Variants in NALCN observed in about 807,000 individuals in gnomAD.
NALCN encodes the protein sodium leak channel NALCN.
NALCN carries 111 observed loss-of-function variants against 225.3 expected under a neutral mutation model. The ratio of observed to expected loss-of-function variants is 0.49; its 90% CI spans 0.42 to 0.58. The LOEUF is 0.58. Among genes scored for constraint, NALCN ranks in the 20% least tolerant of loss-of-function variants. NALCN has a pLI of 0.00. For synonymous variants in NALCN, 764 were observed against 769.0 expected, an observed-to-expected ratio of 0.99 and a Z score of 0.11; for missense variants, 1,378 against 2,202.4, an observed-to-expected ratio of 0.63 and a Z score of 7.49.
intron 10 of NALCN, among the ~76,000 whole-genome samples, chr13:101,271,577 G>A (rs1048932803): frequency 6.6e-6 from 1 of 151,832 alleles, no homozygotes; most frequent in Non-Finnish European, 1.5e-5. Context: ...ATTCCCCTGA[G>A]AAATTGAAAA....
intron 7 of NALCN, among the ~76,000 whole-genome samples, chr13:101,300,196 C>T (rs761743245): frequency 2.0e-4 from 30 of 151,992 alleles, no homozygotes; most frequent in Non-Finnish European, 3.8e-4. Context: ...ATTTACTAAA[C>T]GATAAAGCAG....
At chr13:101,340,987 T>G (rs2045540865) in intron 7 of NALCN, among the ~76,000 whole-genome samples, 1 of 152,182 alleles carries the variant, frequency 6.6e-6, no homozygotes, top group African/African-American at 2.4e-5. Context: ...ATGACAAGTA[T>G]GCACATATCT....
intron 39 of NALCN, among the ~76,000 whole-genome samples, chr13:101,066,162 C>A (rs1028083723): frequency 2.0e-5 from 3 of 151,860 alleles, no homozygotes; most frequent in Non-Finnish European, 4.4e-5. Flanking sequence ...CCAGTCTCTA[C>A]TAAAAATAAA....
rs115274113 is a variant in NALCN at position 101,138,363 on chromosome 13, A to G, written c.2118+4717T>C. Among the ~76,000 whole-genome samples, 1,324 of 152,378 alleles carry G rather than the reference A, an allele frequency of 8.7e-3. 26 individuals carry two copies. The highest frequency in any genetic ancestry group is 0.03 in the African/African-American group (1,249 of 41,590). Reference sequence around the variant, plus strand: ...ATGATCATTTTCCTCTTTACTGTACATAAGTTAGCTGTTCATTGTGAAGGC... The same window carrying G: ...ATGATCATTTTCCTCTTTACTGTACGTAAGTTAGCTGTTCATTGTGAAGGC... On this transcript the variant is annotated intron_variant, in intron 17 of 43. Transcript: ENST00000251127.
chr13:101,305,882 T>C (rs1285761785), intron 7 of NALCN, among the ~76,000 whole-genome samples: 2 of 152,222 alleles, frequency 1.3e-5, no homozygotes, highest in African/African-American at 2.4e-5. Context: ...GAAACACAGG[T>C]ATGTTAATCT....
Position 101,176,283 on chromosome 13 carries a change from C to A in NALCN, c.1839+17G>T. The A allele has an allele frequency of 6.7e-7, 1 of 1,493,314 alleles. No individual in the cohort carries two copies. Among genetic ancestry groups the A allele is most frequent in the Non-Finnish European group, 8.9e-7 (1 of 1,126,758 alleles). 92.5% of individuals were successfully genotyped at this position (1,493,314 alleles called of 1,614,324 possible). A position where few individuals can be genotyped will look rare whatever the true frequency, so the allele number is the denominator to read the frequency against. ...TTTTTTGTCCTTTTTAAAAAAAATCCCCCACACACTACTTACTTGTTTAAG... is the reference window on the plus strand; with the variant it reads ...TTTTTTGTCCTTTTTAAAAAAAATCACCCACACACTACTTACTTGTTTAAG... On this transcript the variant is annotated intron_variant, in intron 15 of 43. Coordinates refer to ENST00000251127, the MANE Select transcript of NALCN (RefSeq NM_052867.4).
intron 10 of NALCN, among the ~76,000 whole-genome samples, chr13:101,261,458 C>A (rs1254718187): frequency 6.6e-6 from 1 of 152,126 alleles, no homozygotes; most frequent in Non-Finnish European, 1.5e-5. Context: ...AACATTTTAA[C>A]AATATTGATT....
intron 15 of NALCN, among the ~76,000 whole-genome samples, chr13:101,152,068 A>T (rs139121688): frequency 0.013 from 1,918 of 152,306 alleles, 15 homozygotes; most frequent in Non-Finnish European, 0.016. Flanking sequence ...TTACAAAAAT[A>T]TTTAATACAC....
intron 13 of NALCN, 98 bp downstream of exon 13, chr13:101,229,295 A>T (rs1448656192): frequency 9.8e-6 from 11 of 1,123,798 alleles, no homozygotes; most frequent in Non-Finnish European, 1.4e-5. Context: ...AAATAGGATA[A>T]TACTTCTGAA....
chr13:101,307,040 C>T (rs923579486), intron 7 of NALCN, among the ~76,000 whole-genome samples: 2 of 152,302 alleles, frequency 1.3e-5, no homozygotes, highest in East Asian at 1.9e-4. Flanking sequence ...GATTATTAAC[C>T]ACAACCAATA....
At chr13:101,102,245 TG>T (rs1453281095) in intron 26 of NALCN, among the ~76,000 whole-genome samples, 1 of 151,806 alleles carries the variant, frequency 6.6e-6, no homozygotes, top group African/African-American at 2.4e-5. Flanking sequence ...ATTGCGCCAT[TG>T]CACTCCAGCC....
chr13:101,235,612 C>T (rs892388445), intron 12 of NALCN, among the ~76,000 whole-genome samples: 2 of 152,172 alleles, frequency 1.3e-5, no homozygotes, highest in Non-Finnish European at 2.9e-5. Flanking sequence ...ATGTATATCT[C>T]TTGCCCCAGC....
intron 25 of NALCN, among the ~76,000 whole-genome samples, chr13:101,103,948 TTA>T (rs1418297856): frequency 3.3e-5 from 5 of 152,170 alleles, no homozygotes; most frequent in African/African-American, 1.2e-4. Context: ...ATAACATGGT[TTA>T]TATGAGGCAA....
intron 13 of NALCN, among the ~76,000 whole-genome samples, chr13:101,206,784 T>C (rs1453261464): frequency 6.6e-6 from 1 of 151,310 alleles, no homozygotes; most frequent in East Asian, 1.9e-4. Flanking sequence ...TGTTTTGTAA[T>C]TTAAACATTC....
intron 10 of NALCN, among the ~76,000 whole-genome samples, chr13:101,263,232 CAA>C (rs1423337193): frequency 7.2e-5 from 11 of 152,138 alleles, no homozygotes; most frequent in Non-Finnish European, 1.6e-4. Context: ...ATACAAAAAT[CAA>C]ATTCCAGAGC....
chr13:101,287,348 C>T (rs1396594427), intron 9 of NALCN, among the ~76,000 whole-genome samples: 1 of 152,144 alleles, frequency 6.6e-6, no homozygotes, highest in Admixed American at 6.5e-5. Flanking sequence ...ATGTTGACAG[C>T]AGGGCTTGTA....
At chr13:101,279,675 G>A (rs1340009179) in intron 10 of NALCN, among the ~76,000 whole-genome samples, 5 of 149,436 alleles carry the variant, frequency 3.3e-5, no homozygotes, top group South Asian at 2.2e-4. Flanking sequence ...AAATTAGCCG[G>A]GCGTAGTGGC....
chr13:101,120,821 C>T (rs907563145), intron 18 of NALCN, among the ~76,000 whole-genome samples: 1 of 152,154 alleles, frequency 6.6e-6, no homozygotes, highest in Non-Finnish European at 1.5e-5. Flanking sequence ...TTCTGGTCCT[C>T]AACCACAGCA....
chr13:101,291,762 C>T (rs1182530504), intron 9 of NALCN, among the ~76,000 whole-genome samples: 2 of 152,080 alleles, frequency 1.3e-5, no homozygotes, highest in East Asian at 3.9e-4. Context: ...ATTACCTAGG[C>T]TGATCTCAAA....
Sources: gnomAD v4.1 joint callset for allele counts (sites outside exome capture counted in the v4.1 genomes callset) on GRCh38, gnomAD v4.1.1 for gene constraint, MANE v1.5 for transcripts, NCBI Gene and HGNC (gene_info 2026-07-23, HGNC 2026-07-21) for gene names.